Variants in KMT2C observed in about 807,000 individuals in gnomAD.
The protein encoded by KMT2C is histone-lysine N-methyltransferase 2C.
Under a neutral mutation model 507.9 loss-of-function variants are expected in KMT2C, and 88 were observed. The ratio of observed to expected loss-of-function variants is 0.17; its 90% CI spans 0.15 to 0.21. KMT2C has a LOEUF of 0.21. Ranked by LOEUF, KMT2C falls within the 10% of genes least tolerant of loss-of-function variation. KMT2C has a pLI of 1.00. For synonymous variants in KMT2C, 2,049 were observed against 2,080.8 expected, an observed-to-expected ratio of 0.98 and a Z score of 0.42; for missense variants, 4,954 against 5,957.8, an observed-to-expected ratio of 0.83 and a Z score of 5.55.
chr7:152,353,231 T>C (rs2097127622), intron 2 of KMT2C, among the ~76,000 whole-genome samples: 1 of 151,962 alleles, frequency 6.6e-6, no homozygotes, highest in African/African-American at 2.4e-5. Flanking sequence ...AAGACCAGCC[T>C]GGCAAAGATG....
At position 152,187,735 on chromosome 7, in the gene KMT2C, T is replaced by C. The variant is rs2093667615; in HGVS notation, c.4773A>G (p.Gln1591=). Residue 1591 remains glutamine, a synonymous_variant, in exon 32 of 59, where the codon CAA becomes CAG. Coordinates refer to ENST00000262189, the MANE Select transcript of KMT2C (RefSeq NM_170606.3). Reference sequence around the variant, plus strand: ...TGTACCTGGCATCAGGATAAGAGGATTGTGCAATTGCAGAGAAAGTTCCCA... The same window carrying C: ...TGTACCTGGCATCAGGATAAGAGGACTGTGCAATTGCAGAGAAAGTTCCCA... ...SGLGTFSAIA[Q]SSYPDARDKN... is the part of the protein sequence containing the mutation. The C allele has an allele frequency of 7.4e-6, 12 of 1,613,878 alleles. No homozygotes were observed. Among genetic ancestry groups the C allele is most frequent in the Non-Finnish European group, 9.3e-6 (11 of 1,179,980 alleles).
At chr7:152,180,190 G>C in intron 36 of KMT2C, 64 bp from the exon 37 acceptor site, 1 of 1,548,782 alleles carries the variant, frequency 6.5e-7, no homozygotes, top group Non-Finnish European at 8.8e-7. Context: ...AAAGGTTACT[G>C]GCTTTTTATT....
At chr7:152,415,038 A>G (rs2116697182) in intron 1 of KMT2C, among the ~76,000 whole-genome samples, 1 of 151,888 alleles carries the variant, frequency 6.6e-6, no homozygotes, top group South Asian at 2.1e-4. Context: ...TAGAGACAGG[A>G]TCTCACCATT....
chr7:152,412,766 T>TG lies in KMT2C; in HGVS notation c.161+22859dup, dbSNP rs1002588043. 4.4e-5 allele frequency among the ~76,000 whole-genome samples: 6 copies of TG among 137,014 alleles called. No individual in the cohort carries two copies. The South Asian group carries it at 6.9e-4, about 16-fold the overall frequency. 89.9% of individuals were successfully genotyped at this position (137,014 alleles called of 152,430 possible). On this transcript the variant is annotated intron_variant, in intron 1 of 58. Transcript: ENST00000262189. ...GATTTAAACACTTTAAATATTGTGG[T>TG]GGGGGGGATGGTGCTGGTAAATAAG...
rs1253423811 is a variant in KMT2C, at chr7:152,171,247, A to G, written c.9453+17T>C. ...AAAAGCGTGCATTCTAGAGGGACTC[A>G]TTACAGGCAGTGTTACCTGAGGAAT... On this transcript the variant is annotated intron_variant, in intron 40 of 58. Transcript: ENST00000262189. 2 of 1,574,298 alleles carry G rather than the reference A, an allele frequency of 1.3e-6. No homozygotes were observed. Among genetic ancestry groups the G allele is most frequent in the Non-Finnish European group, 1.7e-6 (2 of 1,153,360 alleles).
In KMT2C at chr7:152,176,891, T is replaced by C. The variant is rs2093234629; in HGVS notation, c.8562A>G (p.Ser2854=). 2 of 1,614,208 alleles carry C rather than the reference T, an allele frequency of 1.2e-6. No individual in the cohort carries two copies. Among genetic ancestry groups the C allele is most frequent in the Non-Finnish European group, 1.7e-6 (2 of 1,180,010 alleles). ...TTAGGTCTGAGTGAGCAGAAGCCTG[T>C]GAGCAAGGAGTGTCAACATTATCTT... ...ENKDNVDTPC[S]QASAHSDLND... Residue 2854 remains serine, a synonymous_variant, in exon 38 of 59, where the codon TCA becomes TCG. Coordinates refer to ENST00000262189, the MANE Select transcript of KMT2C (RefSeq NM_170606.3).
At position 152,204,130 on chromosome 7, in the gene KMT2C, C is replaced by CA. The variant is rs112235437; in HGVS notation, c.3961+975dup. Among the ~76,000 whole-genome samples the CA allele has an allele frequency of 4.7e-3, 639 of 134,694 alleles. 7 individuals carry two copies. Among genetic ancestry groups the CA allele is most frequent in the South Asian group, 0.033 (123 of 3,778 alleles). 88.4% of individuals were successfully genotyped at this position (134,694 alleles called of 152,430 possible). On this transcript the variant is annotated intron_variant, in intron 25 of 58. Coordinates refer to ENST00000262189, the MANE Select transcript of KMT2C (RefSeq NM_170606.3). Reference sequence around the variant, plus strand: ...GCCACCTCCTGCTCACCACCAATAGCAAAAAAAAAAAACAACTCCTGGCTG... The same window carrying CA: ...GCCACCTCCTGCTCACCACCAATAGCAAAAAAAAAAAAACAACTCCTGGCTG...
At chr7:152,345,927 G>A (rs2097054222) in intron 2 of KMT2C, among the ~76,000 whole-genome samples, 1 of 152,138 alleles carries the variant, frequency 6.6e-6, no homozygotes, top group African/African-American at 2.4e-5. Flanking sequence ...AATGGATGGA[G>A]AAAGATATTC....
intron 1 of KMT2C, among the ~76,000 whole-genome samples, chr7:152,379,356 G>C (rs1268038714): frequency 6.6e-6 from 1 of 152,010 alleles, no homozygotes; most frequent in Non-Finnish European, 1.5e-5. Flanking sequence ...TGGTCAACAT[G>C]GTGAAACCCC....
intron 41 of KMT2C, among the ~76,000 whole-genome samples, chr7:152,167,945 C>T (rs1160423156): frequency 1.3e-5 from 2 of 152,018 alleles, no homozygotes; most frequent in Non-Finnish European, 2.9e-5. Context: ...AAAGGAAATC[C>T]ATAAGTTGAA....
chr7:152,195,477 G>T (rs2093935321), intron 28 of KMT2C: 1 of 917,550 alleles, frequency 1.1e-6, no homozygotes, highest in Admixed American at 6.2e-5. Flanking sequence ...TATAAAAAAA[G>T]AAGACTACTT....
intron 1 of KMT2C, among the ~76,000 whole-genome samples, chr7:152,379,959 A>G (rs536174017): frequency 6.6e-6 from 1 of 152,382 alleles, no homozygotes; most frequent in East Asian, 1.9e-4. Context: ...ATGGCTGGGC[A>G]TGGTGGCTCA....
At chr7:152,191,615 A>G (rs2093796406) in intron 31 of KMT2C, among the ~76,000 whole-genome samples, 1 of 152,184 alleles carries the variant, frequency 6.6e-6, no homozygotes. Flanking sequence ...CAAAACACAT[A>G]AGTGATCAGA....
chr7:152,199,476 A>G lies in KMT2C; in HGVS notation c.4093-17T>C. The G allele has an allele frequency of 6.7e-7, 1 of 1,490,836 alleles. No homozygotes were observed. Among genetic ancestry groups the G allele is most frequent in the Non-Finnish European group, 8.9e-7 (1 of 1,120,062 alleles). The allele number at this position is 1,490,836 out of a possible 1,614,324, so 92.4% of individuals were successfully genotyped here. On this transcript the variant is annotated splice_polypyrimidine_tract_variant and intron_variant, in intron 26 of 58. Coordinates refer to ENST00000262189, the MANE Select transcript of KMT2C (RefSeq NM_170606.3). ...GAAAGCTTCCTAGATGAAGATAAGC[A>G]CATACAAAAATGGTTAGAAAATTCT... is the stretch of plus-strand genomic sequence containing the variant.
intron 2 of KMT2C, among the ~76,000 whole-genome samples, chr7:152,331,256 G>A (rs2096879521): frequency 6.6e-6 from 1 of 151,912 alleles, no homozygotes; most frequent in South Asian, 2.1e-4. Context: ...GCTGCAGTGA[G>A]CTGGGATCGT....
chr7:152,207,534 G>A (rs2129138811), intron 23 of KMT2C, 106 bp from the exon 24 acceptor site: 2 of 923,026 alleles, frequency 2.2e-6, no homozygotes, highest in Non-Finnish European at 3.3e-6. Flanking sequence ...CATTTTAATT[G>A]TACATCCCTG....
At chr7:152,203,152 C>G (rs2129135916) in intron 25 of KMT2C, 88 bp from the exon 26 acceptor site, 2 of 987,610 alleles carry the variant, frequency 2.0e-6, no homozygotes, top group East Asian at 2.6e-5. Context: ...TACCAACATA[C>G]ACACAGTTTC....
chr7:152,323,961 A>G (rs1437454074), intron 3 of KMT2C, among the ~76,000 whole-genome samples: 1 of 151,832 alleles, frequency 6.6e-6, no homozygotes, highest in Non-Finnish European at 1.5e-5. Flanking sequence ...GATCTCACTT[A>G]TATGTAGAAT....
Position 152,145,108 on chromosome 7 carries a change from G to A in KMT2C, c.14174+45C>T, listed in dbSNP as rs114853606. The A allele has an allele frequency of 3.4e-4, 542 of 1,588,570 alleles. 2 individuals carry two copies. The African/African-American group carries it at 6.6e-3, about 19-fold the overall frequency. ...ATCAAGCACAGGAAACCACTAATAC[G>A]CCTAGAAACCCTGGGCTGTACTATG... On this transcript the variant is annotated intron_variant, in intron 54 of 58. Coordinates refer to ENST00000262189, the MANE Select transcript of KMT2C (RefSeq NM_170606.3).
Sources: gnomAD v4.1 joint callset for allele counts (sites outside exome capture counted in the v4.1 genomes callset) on GRCh38, gnomAD v4.1.1 for gene constraint, MANE v1.5 for transcripts, NCBI Gene and HGNC (gene_info 2026-07-23, HGNC 2026-07-21) for gene names.